Variants in WDR27 observed in about 807,000 individuals in gnomAD.
WDR27 encodes WD repeat domain 27.
WDR27 carries 100 observed loss-of-function variants against 114.4 expected under a neutral mutation model. That is an observed-to-expected ratio of 0.87 (90% confidence interval 0.74 to 1.03). The LOEUF (loss-of-function observed/expected upper bound fraction) is 1.03, where lower values mean the gene tolerates loss of function less well. WDR27 is among the 50% of genes least tolerant of loss of function. The pLI is 0.00. For synonymous variants in WDR27, 449 were observed against 423.1 expected (o/e 1.06, Z -0.75); for missense variants, 1,129 against 1,092.9 (o/e 1.03, Z -0.47).
At chr6:169,464,539 T>A (rs374431581) in intron 25 of WDR27, among the ~76,000 whole-genome samples, 1 of 152,064 alleles carries the variant, frequency 6.6e-6, no homozygotes, top group Non-Finnish European at 1.5e-5. Flanking sequence ...AGTGGAAAAA[T>A]TTTTTAAGTT....
At chr6:169,461,914 T>C (rs1784955187) in intron 25 of WDR27, among the ~76,000 whole-genome samples, 1 of 151,920 alleles carries the variant, frequency 6.6e-6, no homozygotes, top group African/African-American at 2.4e-5. Flanking sequence ...TATAAGTGAG[T>C]AATTTGAGTA....
intron 25 of WDR27, among the ~76,000 whole-genome samples, chr6:169,528,524 A>G (rs1343688561): frequency 6.6e-6 from 1 of 152,152 alleles, no homozygotes; most frequent in African/African-American, 2.4e-5. Context: ...AAACATCTTT[A>G]AAATAATATA....
chr6:169,603,941 T>G (rs1029750606), intron 22 of WDR27, among the ~76,000 whole-genome samples: 6 of 152,202 alleles, frequency 3.9e-5, no homozygotes, highest in Admixed American at 2.6e-4. Context: ...TAGTAAAGCC[T>G]GTATGATACA....
At chr6:169,454,455 T>C (rs1784274475), downstream of WDR27, among the ~76,000 whole-genome samples, 1 of 152,184 alleles carries the variant, frequency 6.6e-6, no homozygotes, top group Non-Finnish European at 1.5e-5. Flanking sequence ...TGCCAAACAG[T>C]GATAACAGCA....
At position 169,699,771 on chromosome 6, in the gene WDR27, C is replaced by T. The variant is rs140922891; in HGVS notation, c.-8+1780G>A. ...CCGAGGCAGAAGGATCACTTGAGCC[C>T]AGGAGTTCAAGACCAGCCTGGGCAA... On this transcript the variant is annotated intron_variant, in intron 1 of 25. Coordinates refer to ENST00000448612, the MANE Select transcript of WDR27 (RefSeq NM_182552.5). 6.7e-3 allele frequency among the ~76,000 whole-genome samples: 1,021 copies of T among 152,160 alleles called. 11 individuals are homozygous for T. The highest frequency in any genetic ancestry group is 0.023 in the African/African-American group (966 of 41,502).
At chr6:169,443,089 G>GA in the WDR27 span, among the ~76,000 whole-genome samples, 1 of 152,196 alleles carries the variant, frequency 6.6e-6, no homozygotes, top group East Asian at 1.9e-4. Flanking sequence ...AACATGCAAG[G>GA]AAAGTGGGCT....
chr6:169,491,322 G>A (rs1789721828), intron 25 of WDR27, among the ~76,000 whole-genome samples: 1 of 152,144 alleles, frequency 6.6e-6, no homozygotes, highest in African/African-American at 2.4e-5. Flanking sequence ...GCCGGGAGTA[G>A]GGTGTAGGGT....
Position 169,662,373 on chromosome 6 carries a change from T to A in WDR27, c.956A>T (p.Glu319Val). 1 of 1,614,050 alleles carries A rather than the reference T, an allele frequency of 6.2e-7. No individual in the cohort carries two copies. The highest frequency in any genetic ancestry group is 8.5e-7 in the Non-Finnish European group (1 of 1,179,882). The stretch of plus-strand genomic sequence containing the variant: ...AAGTCTCAGTACAGGAAATGTTACT[T>A]CAACCTGCTCTCCTTTTCCCAGAGC... The part of the protein sequence containing the change: ...TSALGKGEQV[E>V]VTFPVLRLAP... The change falls in exon 9 of 26, where the codon GAA becomes GTA. Residue 319 changes from glutamate (E) to valine (V), a missense_variant. Glu to Val is a moderately radical substitution (Grantham distance 121). Transcript: ENST00000448612.
chr6:169,647,535 T>C (rs1342663813), intron 16 of WDR27: 5 of 595,230 alleles, frequency 8.4e-6, no homozygotes, highest in Non-Finnish European at 1.5e-5. Flanking sequence ...TGCTAGTGAG[T>C]GAGTGCCAGT....
rs1478196496 is a variant in WDR27, at chr6:169,667,964, C to G, written c.660+18G>C. On this transcript the variant is annotated intron_variant, in intron 5 of 25. Coordinates refer to ENST00000448612, the MANE Select transcript of WDR27 (RefSeq NM_182552.5). ...AGCACGTGCCACGCGGGAACGCCAT[C>G]CAGCGTCCATCCCTCACCTTAAAGC... 3.7e-6 allele frequency: 6 copies of G among 1,604,448 alleles called. No individual in the cohort carries two copies. The highest frequency in any genetic ancestry group is 5.1e-6 in the Non-Finnish European group (6 of 1,175,238).
At chr6:169,439,104 A>T in the WDR27 span, among the ~76,000 whole-genome samples, 2 of 152,210 alleles carry the variant, frequency 1.3e-5, no homozygotes, top group Non-Finnish European at 1.5e-5. Flanking sequence ...CCCCAAAAAA[A>T]CATCAAACGA....
At chr6:169,555,395 C>T (rs970150742) in intron 25 of WDR27, among the ~76,000 whole-genome samples, 6 of 152,036 alleles carry the variant, frequency 3.9e-5, no homozygotes, top group African/African-American at 1.4e-4. Flanking sequence ...GGGACCAGTG[C>T]ACCAGAGAAG....
intron 25 of WDR27, among the ~76,000 whole-genome samples, chr6:169,542,275 T>C (rs535928595): frequency 2.0e-5 from 3 of 152,242 alleles, no homozygotes; most frequent in Admixed American, 1.3e-4. Context: ...AATAGGGAAA[T>C]CTGATAAGCA....
intron 14 of WDR27, among the ~76,000 whole-genome samples, chr6:169,649,713 C>T (rs1025411967): frequency 6.6e-6 from 1 of 151,996 alleles, no homozygotes; most frequent in African/African-American, 2.4e-5. Flanking sequence ...TCCATCCAAC[C>T]ATCACCCATC....
At chr6:169,658,484 T>C in intron 12 of WDR27, 126 bp from the exon 13 acceptor site, 1 of 699,346 alleles carries the variant, frequency 1.4e-6, no homozygotes, top group African/African-American at 1.8e-5. Context: ...CATAACAGTA[T>C]CTGAAAATGA....
chr6:169,509,316 T>C (rs1356919752), intron 25 of WDR27, among the ~76,000 whole-genome samples: 2 of 152,102 alleles, frequency 1.3e-5, no homozygotes, highest in African/African-American at 4.8e-5. Context: ...GAGCCCGCAT[T>C]GCCAAGTCAA....
At chr6:169,465,561 T>G (rs1337419979) in intron 25 of WDR27, among the ~76,000 whole-genome samples, 2 of 152,178 alleles carry the variant, frequency 1.3e-5, no homozygotes, top group African/African-American at 4.8e-5. Context: ...GCAAAAGAAC[T>G]GAACGTAGGG....
the WDR27 span, among the ~76,000 whole-genome samples, chr6:169,429,661 C>A: frequency 6.6e-6 from 1 of 152,182 alleles, no homozygotes; most frequent in African/African-American, 2.4e-5. Context: ...AAACTAAACC[C>A]AGCACACATG....
chr6:169,645,008 C>CAAAAAA (rs1194294838), intron 16 of WDR27, among the ~76,000 whole-genome samples: 6 of 8,154 alleles, frequency 7.4e-4, no homozygotes, highest in Non-Finnish European at 9.4e-4. Context: ...GACTCCGTCT[C>CAAAAAA]AAAAAAAAAA....
Sources: gnomAD v4.1 joint callset for allele counts (sites outside exome capture counted in the v4.1 genomes callset) on GRCh38, gnomAD v4.1.1 for gene constraint, MANE v1.5 for transcripts, NCBI Gene and HGNC (gene_info 2026-07-23, HGNC 2026-07-21) for gene names.